Variants in TBC1D14 observed in about 807,000 individuals in gnomAD.
The protein encoded by TBC1D14 is TBC1 domain family, member 14.
TBC1D14 carries 26 observed loss-of-function variants against 79.0 expected under a neutral mutation model. The observed-to-expected ratio is 0.33, with a 90% confidence interval of 0.24 to 0.46. TBC1D14 has a LOEUF of 0.46. Among genes scored for constraint, TBC1D14 ranks in the 20% least tolerant of loss-of-function variants. The pLI, the probability that TBC1D14 is intolerant of heterozygous loss-of-function variation, is 1.00. For synonymous variants in TBC1D14, 394 were observed against 349.9 expected (o/e 1.13, Z -1.40); for missense variants, 769 against 887.6 (o/e 0.87, Z 1.70).
At chr4:6,921,777 A>G (rs62291136) in intron 1 of TBC1D14, among the ~76,000 whole-genome samples, 39,242 of 147,482 alleles carry the variant, frequency 0.27, 5,251 homozygotes, top group Admixed American at 0.31. Context: ...GCTCACTGCA[A>G]CCTCCACCTC....
chr4:7,001,476 G>T (rs1719667425), intron 7 of TBC1D14: 2 of 503,732 alleles, frequency 4.0e-6, no homozygotes, highest in South Asian at 2.4e-5. Context: ...GAATAGAGGG[G>T]GCTTGGAAGA....
intron 1 of TBC1D14, among the ~76,000 whole-genome samples, chr4:6,913,086 C>T (rs375562041): frequency 1.3e-5 from 2 of 149,480 alleles, no homozygotes; most frequent in Non-Finnish European, 3.0e-5. Context: ...ACCTTTGTCT[C>T]CCAGGTTCAA....
Position 7,025,101 on chromosome 4 carries a change from G to A in TBC1D14, c.1855G>A (p.Ala619Thr). The change falls in exon 13 of 14, where the codon GCC (alanine) becomes ACC (threonine). Residue 619 changes from alanine (A) to threonine (T), a missense_variant. Coordinates refer to ENST00000409757, the MANE Select transcript of TBC1D14 (RefSeq NM_020773.3). ...RDGEEFLFRT[A>T]LGILKLFEDI... is the part of the protein sequence containing the mutation. ...TGGGGAAGAGTTCCTGTTCCGCACG[G>A]CCCTGGGCATCCTGAAGCTGTTCGA... is the stretch of plus-strand genomic sequence containing the variant. 1.2e-6 allele frequency: 2 copies of A among 1,614,186 alleles called. No homozygotes were observed. Among genetic ancestry groups the A allele is most frequent in the Non-Finnish European group, 1.7e-6 (2 of 1,180,032 alleles).
At chr4:6,946,353 G>A (rs2108990340) in intron 2 of TBC1D14, among the ~76,000 whole-genome samples, 1 of 152,210 alleles carries the variant, frequency 6.6e-6, no homozygotes, top group Non-Finnish European at 1.5e-5. Context: ...TTATTTTTGA[G>A]ACAGAGTCTT....
At chr4:6,953,457 TA>T (rs768801114) in intron 2 of TBC1D14, among the ~76,000 whole-genome samples, 8 of 114,090 alleles carry the variant, frequency 7.0e-5, no homozygotes, top group South Asian at 3.2e-4. Context: ...CCGTCTCTAC[TA>T]AAAAAAAAAA....
intron 2 of TBC1D14, 70 bp downstream of exon 2, chr4:6,924,181 A>G (rs1031239598): frequency 3.2e-5 from 48 of 1,509,762 alleles, no homozygotes; most frequent in Non-Finnish European, 4.2e-5. Flanking sequence ...TTCCTGTCTC[A>G]AATGTGTTGT....
At chr4:6,989,231 C>T (rs985186513) in intron 3 of TBC1D14, among the ~76,000 whole-genome samples, 17 of 152,134 alleles carry the variant, frequency 1.1e-4, no homozygotes, top group African/African-American at 3.6e-4. Context: ...CCCCTGGATG[C>T]GTCTGAGGGG....
intron 4 of TBC1D14, among the ~76,000 whole-genome samples, chr4:6,996,046 C>T (rs915487906): frequency 6.6e-6 from 1 of 151,280 alleles, no homozygotes; most frequent in Non-Finnish European, 1.5e-5. Context: ...CCATGTTAGC[C>T]AGGATGGTCT....
chr4:6,954,090 C>T lies in TBC1D14; in HGVS notation c.723-13214C>T, dbSNP rs1714379157. On this transcript the variant is annotated intron_variant, in intron 2 of 13. Transcript: ENST00000409757. ...CAGACTTTGGGCTCACTCCTCCCTCCCTGTGACTGGGGAGGCCCGCCCTGC... is the reference window on the plus strand; with the variant it reads ...CAGACTTTGGGCTCACTCCTCCCTCTCTGTGACTGGGGAGGCCCGCCCTGC... The T allele has an allele frequency of 5.1e-6, 3 of 583,372 alleles. No homozygotes were observed. The South Asian group carries it at 6.2e-5, about 12-fold the overall frequency. The allele number at this position is 583,372 out of a possible 1,614,324, so 36.1% of individuals were successfully genotyped here. A position where few individuals can be genotyped will look rare whatever the true frequency, so the allele number is the denominator to read the frequency against.
chr4:6,999,026 G>C (rs1719381603), intron 5 of TBC1D14, 59 bp from the exon 6 acceptor site: 2 of 1,550,666 alleles, frequency 1.3e-6, no homozygotes, highest in Admixed American at 1.7e-5. Flanking sequence ...AAATCACCTT[G>C]CCTGGAAATG....
rs1437988676 is a variant in TBC1D14, at chr4:6,977,441, G to A, written c.843+10017G>A. Among the ~76,000 whole-genome samples, 161 of 143,170 alleles carry A rather than the reference G, an allele frequency of 1.1e-3. 1 individual carries two copies. Among genetic ancestry groups the A allele is most frequent in the African/African-American group, 3.9e-3 (153 of 39,662 alleles). The allele number at this position is 143,170 out of a possible 152,430, so 93.9% of individuals were successfully genotyped here. A position where few individuals can be genotyped will look rare whatever the true frequency, so the allele number is the denominator to read the frequency against. On this transcript the variant is annotated intron_variant, in intron 3 of 13. Coordinates refer to ENST00000409757, the MANE Select transcript of TBC1D14 (RefSeq NM_020773.3). Reference sequence around the variant, plus strand: ...CTCAGTGCTCAATGGTGCCCAGGCTGGAGTGCAGTGGCGTGATCTCGGCTC... The same window carrying A: ...CTCAGTGCTCAATGGTGCCCAGGCTAGAGTGCAGTGGCGTGATCTCGGCTC...
At position 7,001,377 on chromosome 4, in the gene TBC1D14, CTG is replaced by C. The variant is rs1419944732; in HGVS notation, c.1270+130_1270+131del. The C allele has an allele frequency of 1.1e-5, 9 of 804,266 alleles. No individual in the cohort carries two copies. The African/African-American group carries it at 1.2e-4, about 11-fold the overall frequency. 49.8% of individuals were successfully genotyped at this position (804,266 alleles called of 1,614,324 possible). A position where few individuals can be genotyped will look rare whatever the true frequency, so the allele number is the denominator to read the frequency against. On this transcript the variant is annotated intron_variant, in intron 7 of 13. Coordinates refer to ENST00000409757, the MANE Select transcript of TBC1D14 (RefSeq NM_020773.3). ...CTGTGTCTTTTGAGAGACCAGGAGA[CTG>C]TGTCCTTCAGGAGAGAGGGGCAGTT...
chr4:6,974,500 G>T (rs1716536476), intron 3 of TBC1D14, among the ~76,000 whole-genome samples: 1 of 152,174 alleles, frequency 6.6e-6, no homozygotes, highest in African/African-American at 2.4e-5. Context: ...CAGATCTGAC[G>T]CTGAGTAGCT....
intron 2 of TBC1D14, among the ~76,000 whole-genome samples, chr4:6,924,505 A>G (rs1186189013): frequency 6.6e-6 from 1 of 152,188 alleles, no homozygotes; most frequent in Non-Finnish European, 1.5e-5. Context: ...TTCTACTGCC[A>G]GCCCCTGCTG....
intron 8 of TBC1D14, 120 bp downstream of exon 8, chr4:7,005,044 T>C: frequency 1.1e-6 from 1 of 929,402 alleles, no homozygotes; most frequent in Non-Finnish European, 1.6e-6. Flanking sequence ...CATAAAAAGC[T>C]CCACGAGAAA....
chr4:6,927,297 G>T (rs1239369273), intron 2 of TBC1D14, among the ~76,000 whole-genome samples: 3 of 152,076 alleles, frequency 2.0e-5, no homozygotes, highest in African/African-American at 7.2e-5. Flanking sequence ...ACTGTGGGTG[G>T]GGAGGGGGTG....
intron 3 of TBC1D14, among the ~76,000 whole-genome samples, chr4:6,989,242 C>T (rs1169183970): frequency 1.3e-5 from 2 of 152,152 alleles, no homozygotes; most frequent in Admixed American, 6.5e-5. Context: ...GTCTGAGGGG[C>T]TCCCCATACC....
At chr4:6,986,631 C>G (rs1717856001) in intron 3 of TBC1D14, among the ~76,000 whole-genome samples, 1 of 152,200 alleles carries the variant, frequency 6.6e-6, no homozygotes, top group Non-Finnish European at 1.5e-5. Flanking sequence ...AGCCCTGGGA[C>G]CTGGGGCCCG....
intron 3 of TBC1D14, among the ~76,000 whole-genome samples, chr4:6,979,978 C>T (rs1212982411): frequency 2.6e-5 from 4 of 152,178 alleles, no homozygotes; most frequent in South Asian, 2.1e-4. Flanking sequence ...CAACAGTCCT[C>T]ACTAAACAGT....
Sources: allele counts gnomAD v4.1 joint callset (sites outside exome capture counted in the v4.1 genomes callset), GRCh38; gene constraint gnomAD v4.1.1; transcripts MANE v1.5; gene names NCBI Gene and HGNC (gene_info 2026-07-23, HGNC 2026-07-21).